The following RNF149 variants were observed in gnomAD, a reference collection of about 807,000 sequenced individuals.
RNF149 encodes the protein E3 ubiquitin-protein ligase RNF149.
Under a neutral mutation model 39.0 loss-of-function variants are expected in RNF149, and 21 were observed. That is an observed-to-expected ratio of 0.54 (90% confidence interval 0.38 to 0.77). RNF149 has a LOEUF of 0.77. Ranked by LOEUF, RNF149 falls within the 30% of genes least tolerant of loss-of-function variation. RNF149 has a pLI of 0.00. For missense variants in RNF149, 493 were observed against 534.9 expected, an observed-to-expected ratio of 0.92 and a Z score of 0.77; for synonymous variants, 209 against 213.6, an observed-to-expected ratio of 0.98 and a Z score of 0.19.
At chr2:101,284,006 A>G (rs987476227) in intron 5 of RNF149, among the ~76,000 whole-genome samples, 1 of 152,192 alleles carries the variant, frequency 6.6e-6, no homozygotes, top group Non-Finnish European at 1.5e-5. Flanking sequence ...CCTGTATGCT[A>G]TTATTTAAAA....
chr2:101,293,904 G>A (rs1359217426), intron 3 of RNF149, 110 bp downstream of exon 3: 2 of 636,436 alleles, frequency 3.1e-6, no homozygotes, highest in African/African-American at 3.8e-5. Context: ...AGGTCTAGAA[G>A]GCCCTTCTCA....
intron 3 of RNF149, among the ~76,000 whole-genome samples, chr2:101,291,480 G>A (rs190320617): frequency 1.7e-3 from 257 of 149,868 alleles, no homozygotes; most frequent in Non-Finnish European, 2.8e-3. Flanking sequence ...ACAGGGTTTC[G>A]CCACGTTGCC....
chr2:101,307,700 G>T, intron 1 of RNF149: 2 of 364,342 alleles, frequency 5.5e-6, no homozygotes, highest in African/African-American at 2.2e-5. Context: ...GTGCCAACGA[G>T]CCATCACTTT....
chr2:101,288,464 C>T (rs1682880150), intron 4 of RNF149, among the ~76,000 whole-genome samples: 1 of 151,966 alleles, frequency 6.6e-6, no homozygotes, highest in Admixed American at 6.6e-5. Flanking sequence ...TCTTGAACAC[C>T]TGCATCAGCC....
At chr2:101,277,491 C>A (rs1000725474) in intron 6 of RNF149, among the ~76,000 whole-genome samples, 3 of 147,176 alleles carry the variant, frequency 2.0e-5, no homozygotes, top group African/African-American at 7.3e-5. Context: ...CGGGTTCAAG[C>A]GATTCTCCTG....
intron 3 of RNF149, among the ~76,000 whole-genome samples, chr2:101,292,499 G>T (rs1413659037): frequency 6.6e-6 from 1 of 152,196 alleles, no homozygotes; most frequent in African/African-American, 2.4e-5. Context: ...GGGCGTGGTG[G>T]CTCACGCCTG....
At chr2:101,289,319 G>A (rs953503599) in intron 3 of RNF149, among the ~76,000 whole-genome samples, 1 of 152,172 alleles carries the variant, frequency 6.6e-6, no homozygotes, top group Non-Finnish European at 1.5e-5. Flanking sequence ...TGTAATTACT[G>A]TATTTCATAT....
chr2:101,278,597 T>C (rs1220394184), intron 6 of RNF149, among the ~76,000 whole-genome samples: 1 of 152,248 alleles, frequency 6.6e-6, no homozygotes, highest in African/African-American at 2.4e-5. Context: ...AACATGATGT[T>C]CTGAAACATG....
chr2:101,282,910 C>T (rs1573225870), intron 5 of RNF149, among the ~76,000 whole-genome samples: 2 of 152,170 alleles, frequency 1.3e-5, no homozygotes, highest in South Asian at 2.1e-4. Context: ...AGTAACGTAA[C>T]GCCCTCCCAT....
At chr2:101,282,090 C>A in intron 5 of RNF149, 33 bp from the exon 6 acceptor site, 1 of 1,596,774 alleles carries the variant, frequency 6.3e-7, no homozygotes, top group South Asian at 1.1e-5. Context: ...AAAACATGAT[C>A]AAAGCTTAAA....
At chr2:101,290,895 CACCCATCA>C (rs1243204563) in intron 3 of RNF149, among the ~76,000 whole-genome samples, 1 of 152,172 alleles carries the variant, frequency 6.6e-6, no homozygotes, top group African/African-American at 2.4e-5. Context: ...CACCTGGTCT[CACCCATCA>C]ACCAAGGCAG....
intron 3 of RNF149, among the ~76,000 whole-genome samples, chr2:101,292,566 AC>A (rs1259737494): frequency 6.6e-6 from 1 of 152,170 alleles, no homozygotes; most frequent in East Asian, 1.9e-4. Context: ...GGAGATGGAG[AC>A]CATCCTGGCT....
intron 6 of RNF149, 53 bp from the exon 7 acceptor site, chr2:101,277,334 G>A: frequency 6.4e-7 from 1 of 1,563,088 alleles, no homozygotes; most frequent in Non-Finnish European, 8.6e-7. Flanking sequence ...CATATTCCGA[G>A]CTTCAACTAT....
chr2:101,271,600 CAAAAAAAA>C (rs5832957), downstream of RNF149: 1 of 129,992 alleles, frequency 7.7e-6, no homozygotes, highest in Non-Finnish European at 1.6e-5. Context: ...CCACTGCACT[CAAAAAAAA>C]AAAAAAAAAA....
chr2:101,280,907 G>A (rs957288945), intron 6 of RNF149, among the ~76,000 whole-genome samples: 3 of 152,158 alleles, frequency 2.0e-5, no homozygotes, highest in Admixed American at 6.5e-5. Flanking sequence ...GGTGGCACAC[G>A]CCTGTGGTCT....
chr2:101,276,477 A>G lies in RNF149; in HGVS notation c.*761T>C. 1.0e-6 allele frequency: 1 copy of G among 985,772 alleles called. No individual in the cohort carries two copies. Among genetic ancestry groups the G allele is most frequent in the South Asian group, 4.7e-5 (1 of 21,288 alleles). The allele number at this position is 985,772 out of a possible 1,614,324, so 61.1% of individuals were successfully genotyped here. On this transcript the variant is annotated 3_prime_UTR_variant, in exon 7 of 7. Transcript: ENST00000295317. ...AAATTGTAACTGAAATCAATATAACAGATTCTGAGTCTGCCTACTCATTTT... is the reference window on the plus strand; with the variant it reads ...AAATTGTAACTGAAATCAATATAACGGATTCTGAGTCTGCCTACTCATTTT...
chr2:101,304,547 T>C (rs1683584057), intron 1 of RNF149, among the ~76,000 whole-genome samples: 1 of 152,188 alleles, frequency 6.6e-6, no homozygotes, highest in African/African-American at 2.4e-5. Flanking sequence ...ACACCTCTCA[T>C]GGGCAGGCCT....
At chr2:101,273,212 G>T, downstream of RNF149, 1 of 1,036,716 alleles carries the variant, frequency 9.6e-7, no homozygotes, top group Non-Finnish European at 1.3e-6. Flanking sequence ...ACACCGAGGA[G>T]CCGAGGAAAC....
chr2:101,285,527 G>C (rs1042636535), intron 5 of RNF149, among the ~76,000 whole-genome samples: 1 of 152,180 alleles, frequency 6.6e-6, no homozygotes, highest in African/African-American at 2.4e-5. Flanking sequence ...CATTTGTTCA[G>C]CATGTGGCTA....
Sources: gnomAD v4.1 joint callset for allele counts (sites outside exome capture counted in the v4.1 genomes callset) on GRCh38, gnomAD v4.1.1 for gene constraint, MANE v1.5 for transcripts, NCBI Gene and HGNC (gene_info 2026-07-23, HGNC 2026-07-21) for gene names.